The following TNS1 variants were observed in gnomAD, a reference collection of about 807,000 sequenced individuals.
TNS1 encodes tensin 1, also known as tensin-1.
TNS1 carries 62 observed loss-of-function variants against 168.6 expected under a neutral mutation model. The observed-to-expected ratio is 0.37, with a 90% CI of 0.30 to 0.45. TNS1 has a LOEUF of 0.45. Among genes scored for constraint, TNS1 ranks in the 20% least tolerant of loss-of-function variants. The pLI is 1.00. For missense variants in TNS1, 2,240 were observed against 2,339.4 expected (o/e 0.96, Z 0.88); for synonymous variants, 934 against 933.2 (o/e 1.00, Z -0.02).
At chr2:217,999,059 C>T (rs975620049) in intron 1 of TNS1, among the ~76,000 whole-genome samples, 13 of 152,284 alleles carry the variant, frequency 8.5e-5, no homozygotes, top group Admixed American at 2.6e-4. Flanking sequence ...TTCCATCACA[C>T]GACCTCCCCA....
At chr2:217,967,468 A>G (rs1189495605) in intron 3 of TNS1, among the ~76,000 whole-genome samples, 1 of 152,188 alleles carries the variant, frequency 6.6e-6, no homozygotes, top group African/African-American at 2.4e-5. Flanking sequence ...GACTCAAATT[A>G]CTCAAATCAC....
intron 3 of TNS1, among the ~76,000 whole-genome samples, chr2:217,965,125 C>A (rs1957592004): frequency 6.6e-6 from 1 of 152,230 alleles, no homozygotes. Flanking sequence ...TTCAGTGGAG[C>A]TGCCCTGGCC....
chr2:217,981,861 C>T (rs1958058829), intron 2 of TNS1, among the ~76,000 whole-genome samples: 2 of 152,168 alleles, frequency 1.3e-5, no homozygotes, highest in Admixed American at 6.5e-5. Context: ...ACTTTCAGAT[C>T]GATGAAATAT....
At chr2:217,994,902 G>C (rs1395409971) in intron 1 of TNS1, among the ~76,000 whole-genome samples, 1 of 152,232 alleles carries the variant, frequency 6.6e-6, no homozygotes, top group African/African-American at 2.4e-5. Context: ...GAGGAGTCTG[G>C]AGAACTGCCT....
intron 32 of TNS1, among the ~76,000 whole-genome samples, chr2:217,805,477 A>AC (rs1938418416): frequency 2.4e-4 from 8 of 33,820 alleles, no homozygotes; most frequent in East Asian, 6.0e-4. Flanking sequence ...CACACACACC[A>AC]CACACACCAC....
intron 9 of TNS1, among the ~76,000 whole-genome samples, chr2:217,894,554 G>A (rs1313214892): frequency 6.6e-6 from 1 of 152,180 alleles, no homozygotes; most frequent in Non-Finnish European, 1.5e-5. Flanking sequence ...CTACTCGGAA[G>A]GCTGAGGCAG....
In TNS1 at chr2:217,813,826, G is replaced by A. The variant is rs1173499500; in HGVS notation, c.4730-10C>T. 6.2e-7 allele frequency: 1 copy of A among 1,604,512 alleles called. No individual in the cohort carries two copies. Among genetic ancestry groups the A allele is most frequent in the Non-Finnish European group, 8.5e-7 (1 of 1,175,524 alleles). On this transcript the variant is annotated splice_polypyrimidine_tract_variant and intron_variant, in intron 25 of 32. Coordinates refer to ENST00000682258, the MANE Select transcript of TNS1 (RefSeq NM_001387777.1). The surrounding 1 kb of genome is among the most constrained non-coding windows in gnomAD (Gnocchi z 4.0). Reference sequence around the variant, plus strand: ...TTGAGGAGCGCGATGGCTGCATGGGGAAGGGACAAGGAGAGAGGAGGAAGC... The same window carrying A: ...TTGAGGAGCGCGATGGCTGCATGGGAAAGGGACAAGGAGAGAGGAGGAAGC...
At chr2:217,906,670 T>A (rs576294866) in intron 5 of TNS1, among the ~76,000 whole-genome samples, 1 of 152,106 alleles carries the variant, frequency 6.6e-6, no homozygotes, top group Non-Finnish European at 1.5e-5. Flanking sequence ...CACAGTCACA[T>A]AATTAGAACC....
intron 3 of TNS1, among the ~76,000 whole-genome samples, chr2:217,940,927 A>C (rs1167375922): frequency 2.6e-5 from 4 of 152,078 alleles, no homozygotes; most frequent in Non-Finnish European, 4.4e-5. Flanking sequence ...CACCTCAGGG[A>C]AAGCAGGTTT....
At chr2:217,874,912 A>G (rs1177975382) in intron 18 of TNS1, among the ~76,000 whole-genome samples, 1 of 152,222 alleles carries the variant, frequency 6.6e-6, no homozygotes, top group African/African-American at 2.4e-5. Context: ...TTAGAACCAG[A>G]TCTTCTGGTT....
intron 7 of TNS1, among the ~76,000 whole-genome samples, chr2:217,898,467 G>GTGGA (rs1952558251): frequency 6.6e-6 from 1 of 152,266 alleles, no homozygotes; most frequent in Non-Finnish European, 1.5e-5. Context: ...CTCTCGAGCT[G>GTGGA]TGGAGTGGGC....
At chr2:217,919,606 AG>A (rs1955509566) in intron 4 of TNS1, among the ~76,000 whole-genome samples, 1 of 152,236 alleles carries the variant, frequency 6.6e-6, no homozygotes, top group Admixed American at 6.5e-5. Flanking sequence ...AGCTGGCATC[AG>A]GGTGGAGCAG....
chr2:217,923,006 G>A (rs372311471), intron 3 of TNS1, among the ~76,000 whole-genome samples: 1 of 152,068 alleles, frequency 6.6e-6, no homozygotes, highest in East Asian at 1.9e-4. Flanking sequence ...CTGGCCCCTG[G>A]CCACCCTCTC....
chr2:217,928,025 G>A (rs569236411), intron 3 of TNS1, among the ~76,000 whole-genome samples: 2 of 152,238 alleles, frequency 1.3e-5, no homozygotes, highest in Admixed American at 1.3e-4. Flanking sequence ...TAGAACTCAG[G>A]AAGGCCCCAG....
intron 5 of TNS1, among the ~76,000 whole-genome samples, chr2:217,906,865 A>G (rs560083757): frequency 1.3e-5 from 2 of 152,198 alleles, no homozygotes; most frequent in Non-Finnish European, 2.9e-5. Context: ...TAGCTCAGAA[A>G]GACCTGTTTG....
At chr2:217,897,355 G>C (rs75559172) in intron 8 of TNS1, among the ~76,000 whole-genome samples, 1,863 of 152,268 alleles carry the variant, frequency 0.012, 48 homozygotes, top group African/African-American at 0.042. Context: ...CAGAGGCACC[G>C]ACCCTGTGCC....
At chr2:217,991,154 A>G (rs1159303203) in intron 1 of TNS1, 98 bp from the exon 2 acceptor site, 1 of 478,486 alleles carries the variant, frequency 2.1e-6, no homozygotes, top group African/African-American at 1.9e-5. Flanking sequence ...GGGACAGGGA[A>G]AAGGATGGCA....
intron 16 of TNS1, among the ~76,000 whole-genome samples, chr2:217,884,236 T>C (rs974783856): frequency 2.7e-5 from 4 of 150,718 alleles, no homozygotes; most frequent in Non-Finnish European, 5.9e-5. Flanking sequence ...AATGAAGGGA[T>C]GGATTAATGG....
At position 217,880,872 on chromosome 2, in the gene TNS1, G is replaced by T. The variant is rs866551326; in HGVS notation, c.1429+26C>A. Reference sequence around the variant, plus strand: ...CAGAGGCTGTGCAGTTTGGATAGGGGCTGGGAGCCACTAGGTCCCACCTAC... The same window carrying T: ...CAGAGGCTGTGCAGTTTGGATAGGGTCTGGGAGCCACTAGGTCCCACCTAC... On this transcript the variant is annotated intron_variant, in intron 18 of 32. Transcript: ENST00000682258. This position sits in a 1 kb window ranked among gnomAD's most constrained non-coding sequence, Gnocchi z 4.2. 1.9e-6 allele frequency: 3 copies of T among 1,553,134 alleles called. No individual in the cohort carries two copies.
Sources: gnomAD v4.1 joint callset for allele counts (sites outside exome capture counted in the v4.1 genomes callset) on GRCh38, gnomAD v4.1.1 for gene constraint, Gnocchi (gnomAD v3.1) non-coding constraint, MANE v1.5 for transcripts, NCBI Gene and HGNC (gene_info 2026-07-23, HGNC 2026-07-21) for gene names.